GMDS: variants seen among roughly 807,000 people sequenced by gnomAD.
GMDS encodes GDP-mannose 4,6-dehydratase.
A neutral mutation model predicts 49.9 loss-of-function variants in GMDS; 20 were observed. That is an observed-to-expected ratio of 0.40 (90% confidence interval 0.28 to 0.58). The LOEUF (loss-of-function observed/expected upper bound fraction) is 0.58. Ranked by LOEUF, GMDS falls within the 20% of genes least tolerant of loss-of-function variation. GMDS has a pLI of 0.42. For synonymous variants in GMDS, 177 were observed against 178.6 expected (o/e 0.99, Z 0.07); for missense variants, 362 against 481.4 (o/e 0.75, Z 2.32).
intron 7 of GMDS, among the ~76,000 whole-genome samples, chr6:1,747,470 ACACGCTCATGCGTGTGCGCGCACACAC>A (rs1767545555): frequency 2.1e-4 from 1 of 4,834 alleles, no homozygotes; most frequent in Middle Eastern, 0.071. Context: ...ACACACACAC[ACACGCTCATGCGTGTGCGCGCACACAC>A]ACACACACAC....
At chr6:2,201,613 C>T (rs527346704) in intron 1 of GMDS, among the ~76,000 whole-genome samples, 1 of 132,582 alleles carries the variant, frequency 7.5e-6, no homozygotes, top group African/African-American at 2.9e-5. Flanking sequence ...CAGAACACCA[C>T]ATGGACATCC....
At chr6:1,974,603 C>T (rs768190337) in intron 4 of GMDS, among the ~76,000 whole-genome samples, 5 of 152,104 alleles carry the variant, frequency 3.3e-5, no homozygotes, top group Non-Finnish European at 7.4e-5. Flanking sequence ...TATCAAGGAG[C>T]CTCTTGATCT....
intron 1 of GMDS, among the ~76,000 whole-genome samples, chr6:2,165,399 C>T (rs1455172012): frequency 6.6e-6 from 1 of 152,206 alleles, no homozygotes; most frequent in Non-Finnish European, 1.5e-5. Flanking sequence ...GAGGAGAAGA[C>T]CCATGTCCCA....
intron 9 of GMDS, among the ~76,000 whole-genome samples, chr6:1,638,997 T>A (rs180881445): frequency 1.3e-5 from 2 of 152,186 alleles, no homozygotes; most frequent in African/African-American, 4.8e-5. Context: ...CGTTCATACA[T>A]GCAGTCAGCC....
At chr6:2,130,898 A>C (rs1293693212) in intron 1 of GMDS, among the ~76,000 whole-genome samples, 1 of 152,174 alleles carries the variant, frequency 6.6e-6, no homozygotes, top group Non-Finnish European at 1.5e-5. Flanking sequence ...ACTGGTAGTA[A>C]CACTACAGAG....
chr6:2,145,958 G>A (rs188808911), intron 1 of GMDS, among the ~76,000 whole-genome samples: 85 of 152,270 alleles, frequency 5.6e-4, no homozygotes, highest in Admixed American at 1.7e-3. Context: ...GGAACCAATC[G>A]CTCATGCATA....
chr6:1,978,468 A>G (rs1350923670), intron 4 of GMDS, among the ~76,000 whole-genome samples: 1 of 152,176 alleles, frequency 6.6e-6, no homozygotes, highest in African/African-American at 2.4e-5. Context: ...CCCCACCATG[A>G]AGGCTGTTTT....
intron 1 of GMDS, among the ~76,000 whole-genome samples, chr6:2,163,472 T>G (rs982086146): frequency 2.0e-5 from 3 of 151,988 alleles, no homozygotes; most frequent in Non-Finnish European, 4.4e-5. Flanking sequence ...ACAAACTGGC[T>G]CGTGTGATTA....
chr6:2,184,014 T>A (rs965887496), intron 1 of GMDS, among the ~76,000 whole-genome samples: 2 of 152,226 alleles, frequency 1.3e-5, no homozygotes, highest in African/African-American at 4.8e-5. Flanking sequence ...ATATATAACT[T>A]GTATATGCAT....
intron 9 of GMDS, among the ~76,000 whole-genome samples, chr6:1,678,182 G>A (rs191249983): frequency 9.1e-4 from 139 of 152,192 alleles, no homozygotes; most frequent in African/African-American, 3.1e-3. Context: ...TTCTCAAGGC[G>A]AAGATCAGGA....
rs189215647 is a variant in GMDS at position 2,031,069 on chromosome 6, C to T, written c.346-70103G>A. Among the ~76,000 whole-genome samples, 213 of 152,280 alleles carry T rather than the reference C, an allele frequency of 1.4e-3. 1 individual carries two copies. Among genetic ancestry groups the T allele is most frequent in the Non-Finnish European group, 1.5e-3 (99 of 68,018 alleles). The stretch of plus-strand genomic sequence containing the variant: ...ACATAAAGCAGGCCAGGTGCAGCTA[C>T]GGTAAACTCAAACAATGGTTCTCAC... On this transcript the variant is annotated intron_variant, in intron 4 of 10. Coordinates refer to ENST00000380815, the MANE Select transcript of GMDS (RefSeq NM_001500.4).
At chr6:1,673,145 G>T (rs1194448212) in intron 9 of GMDS, among the ~76,000 whole-genome samples, 1 of 152,226 alleles carries the variant, frequency 6.6e-6, no homozygotes, top group Non-Finnish European at 1.5e-5. Context: ...GTTTCAGACA[G>T]TCACCAATGC....
chr6:1,914,899 C>G (rs1183525018), intron 7 of GMDS, among the ~76,000 whole-genome samples: 1 of 152,232 alleles, frequency 6.6e-6, no homozygotes, highest in African/African-American at 2.4e-5. Flanking sequence ...CACAGGCCCC[C>G]CTCCTGCTTA....
intron 7 of GMDS, among the ~76,000 whole-genome samples, chr6:1,853,317 G>C (rs1049342213): frequency 3.3e-5 from 5 of 151,396 alleles, no homozygotes; most frequent in Non-Finnish European, 4.4e-5. Context: ...AGGAGATCGA[G>C]ACCATCCTGG....
At chr6:2,038,347 T>G (rs1226244776) in intron 4 of GMDS, among the ~76,000 whole-genome samples, 1 of 152,202 alleles carries the variant, frequency 6.6e-6, no homozygotes, top group Non-Finnish European at 1.5e-5. Flanking sequence ...ATAAGCAAAC[T>G]ATACTGGTAA....
intron 1 of GMDS, among the ~76,000 whole-genome samples, chr6:2,129,681 A>G (rs1243786110): frequency 6.6e-6 from 1 of 152,216 alleles, no homozygotes; most frequent in Non-Finnish European, 1.5e-5. Flanking sequence ...GCATCTTCCC[A>G]GCTAATCGGA....
At chr6:1,999,970 T>TTATATATATAATATATATATATTA (rs1766607849) in intron 4 of GMDS, among the ~76,000 whole-genome samples, 1 of 11,192 alleles carries the variant, frequency 8.9e-5, no homozygotes, top group Admixed American at 2.4e-3. Context: ...TATATATATA[T>TTATATATATAATATATATATATTA]TATATATATA....
chr6:1,821,853 G>A (rs1287736275), intron 7 of GMDS, among the ~76,000 whole-genome samples: 2 of 151,998 alleles, frequency 1.3e-5, no homozygotes, highest in East Asian at 1.9e-4. Flanking sequence ...TGCGGCGGGG[G>A]AGGGGACGCC....
chr6:1,944,430 G>T (rs1194993073), intron 6 of GMDS, among the ~76,000 whole-genome samples: 1 of 141,054 alleles, frequency 7.1e-6, no homozygotes, highest in African/African-American at 2.6e-5. Context: ...GCGTGAATCT[G>T]GGAGGCAGAG....
Sources: gnomAD v4.1 joint callset for allele counts (sites outside exome capture counted in the v4.1 genomes callset) on GRCh38, gnomAD v4.1.1 for gene constraint, MANE v1.5 for transcripts, NCBI Gene and HGNC (gene_info 2026-07-23, HGNC 2026-07-21) for gene names.